Variants in CHN2 observed in about 807,000 individuals in gnomAD.
The protein encoded by CHN2 is chimerin 2, also known as beta-chimaerin.
CHN2 carries 35 observed loss-of-function variants against 56.3 expected under a neutral mutation model. That is an observed-to-expected ratio of 0.62 (90% CI 0.47 to 0.82). The LOEUF (loss-of-function observed/expected upper bound fraction) is 0.82, where lower values mean the gene tolerates loss of function less well. Among genes scored for constraint, CHN2 ranks in the 40% least tolerant of loss-of-function variants. The pLI is 0.00. For synonymous variants in CHN2, 210 were observed against 212.8 expected (o/e 0.99, Z 0.12); for missense variants, 491 against 580.5 (o/e 0.85, Z 1.58).
intron 6 of CHN2, 87 bp downstream of exon 6, chr7:29,400,915 T>C (rs1802149942): frequency 7.3e-7 from 1 of 1,364,806 alleles, no homozygotes; most frequent in Admixed American, 2.1e-5. Context: ...TTTGCTGAAA[T>C]GTTGGAGGAG....
At chr7:29,246,353 A>G (rs1041965602) in intron 1 of CHN2, among the ~76,000 whole-genome samples, 1 of 152,160 alleles carries the variant, frequency 6.6e-6, no homozygotes, top group Non-Finnish European at 1.5e-5. Flanking sequence ...ACAGTCTCAG[A>G]GGGACTTATT....
At chr7:29,331,183 A>T (rs1796184806) in intron 1 of CHN2, among the ~76,000 whole-genome samples, 1 of 152,224 alleles carries the variant, frequency 6.6e-6, no homozygotes, top group Non-Finnish European at 1.5e-5. Context: ...GTGACGGAGG[A>T]CATCTGTCAA....
intron 1 of CHN2, among the ~76,000 whole-genome samples, chr7:29,245,142 G>A (rs60325181): frequency 1.2e-4 from 19 of 152,156 alleles, no homozygotes; most frequent in Admixed American, 2.6e-4. Flanking sequence ...AAGACTCTGC[G>A]CCTCATAGAA....
chr7:29,158,308 A>G (rs1387340070), intron 2 of CHN2, among the ~76,000 whole-genome samples: 1 of 152,220 alleles, frequency 6.6e-6, no homozygotes, highest in Non-Finnish European at 1.5e-5. Flanking sequence ...AGTTTCCACC[A>G]TCCTATAATA....
chr7:29,458,377 G>GCACACATACACACA lies in CHN2; in HGVS notation c.577-21896_577-21895insTACACACACACACA, dbSNP rs1554296992. On this transcript the variant is annotated intron_variant, in intron 6 of 12. Transcript: ENST00000222792. ...CTGTTTGTATAAGGAGCATAGCTGT[G>GCACACATACACACA]CACACACACACACACACACACACAC... Among the ~76,000 whole-genome samples the GCACACATACACACA allele has an allele frequency of 7.4e-5, 10 of 136,016 alleles. No homozygotes were observed. The South Asian group carries it at 9.9e-4, about 13-fold the overall frequency. 89.2% of individuals were successfully genotyped at this position (136,016 alleles called of 152,430 possible).
intron 1 of CHN2, among the ~76,000 whole-genome samples, chr7:29,264,609 GGCAGCATACTC>G (rs949874526): frequency 9.9e-5 from 15 of 152,236 alleles, no homozygotes; most frequent in African/African-American, 3.6e-4. Flanking sequence ...GATGCTTGAA[GGCAGCATACTC>G]GTTAAGGGTC....
chr7:29,400,853 C>A, intron 6 of CHN2, 25 bp downstream of exon 6: 2 of 1,606,838 alleles, frequency 1.2e-6, no homozygotes, highest in South Asian at 2.2e-5. Context: ...ATGGAAGCAG[C>A]CTTTCGTTTT....
At chr7:29,502,476 A>G (rs1401078890) in intron 9 of CHN2, among the ~76,000 whole-genome samples, 1 of 152,192 alleles carries the variant, frequency 6.6e-6, no homozygotes, top group Non-Finnish European at 1.5e-5. Context: ...GGCCACTGCA[A>G]TGGATATTGT....
chr7:29,233,872 C>G lies in CHN2; in HGVS notation c.49+38882C>G, dbSNP rs546660157. ...TTTTTGAGATGGAGTCTCGCTCTGTCGCCCAGGCTGGAGTGCAGTGGCGGG... is the reference window on the plus strand; with the variant it reads ...TTTTTGAGATGGAGTCTCGCTCTGTGGCCCAGGCTGGAGTGCAGTGGCGGG... On this transcript the variant is annotated intron_variant, in intron 1 of 12. Coordinates refer to ENST00000222792, the MANE Select transcript of CHN2 (RefSeq NM_004067.4). Among the ~76,000 whole-genome samples the G allele has an allele frequency of 1.5e-3, 141 of 91,642 alleles. 2 individuals carry two copies. Among genetic ancestry groups the G allele is most frequent in the Non-Finnish European group, 2.4e-3 (121 of 50,870 alleles). The allele number at this position is 91,642 out of a possible 152,430, so 60.1% of individuals were successfully genotyped here.
chr7:29,425,892 G>A (rs1278544853), intron 6 of CHN2, among the ~76,000 whole-genome samples: 1 of 151,916 alleles, frequency 6.6e-6, no homozygotes, highest in Non-Finnish European at 1.5e-5. Flanking sequence ...TTAACTCTTG[G>A]GACTTATCCA....
chr7:29,327,654 C>T (rs959378893), intron 1 of CHN2, among the ~76,000 whole-genome samples: 7 of 152,186 alleles, frequency 4.6e-5, no homozygotes, highest in Middle Eastern at 3.4e-3. Context: ...GTTAATGACG[C>T]GGTGCTCCCA....
At chr7:29,437,194 G>T (rs1449971228) in intron 6 of CHN2, among the ~76,000 whole-genome samples, 1 of 151,870 alleles carries the variant, frequency 6.6e-6, no homozygotes, top group Non-Finnish European at 1.5e-5. Context: ...CATCTTCATT[G>T]TACACAAATT....
intron 3 of CHN2, among the ~76,000 whole-genome samples, chr7:29,389,238 A>G (rs1438513159): frequency 6.6e-6 from 1 of 152,162 alleles, no homozygotes; most frequent in East Asian, 1.9e-4. Context: ...TTCTCTTATG[A>G]TCATGCCTCG....
At chr7:29,468,700 G>A (rs187923209) in intron 6 of CHN2, among the ~76,000 whole-genome samples, 4 of 152,118 alleles carry the variant, frequency 2.6e-5, no homozygotes, top group East Asian at 1.9e-4. Flanking sequence ...AGATTCCCCC[G>A]ACTGCTGCTG....
chr7:29,353,622 ACT>A (rs1286052157), intron 1 of CHN2, among the ~76,000 whole-genome samples: 7 of 151,874 alleles, frequency 4.6e-5, no homozygotes, highest in African/African-American at 1.5e-4. Flanking sequence ...ACAGAACGAG[ACT>A]CTGTCTCAAA....
chr7:29,510,652 A>G lies in CHN2; in HGVS notation c.1235+1246A>G, dbSNP rs961280745. ...AAAAAGCCAACAGGCTTCTCTCAGA[A>G]CAAAAAAGCAAGAGCACCCAATATG... On this transcript the variant is annotated intron_variant, in intron 12 of 12. Transcript: ENST00000222792. 3.3e-5 allele frequency among the ~76,000 whole-genome samples: 5 copies of G among 152,234 alleles called. No homozygotes were observed. The East Asian group carries it at 7.7e-4, about 23-fold the overall frequency.
chr7:29,500,755 A>G (rs1376142335), intron 9 of CHN2, among the ~76,000 whole-genome samples: 1 of 152,244 alleles, frequency 6.6e-6, no homozygotes, highest in Non-Finnish European at 1.5e-5. Context: ...TACATCTCCT[A>G]CCACATAAAA....
At chr7:29,319,667 T>C (rs1436304631) in intron 1 of CHN2, among the ~76,000 whole-genome samples, 1 of 152,198 alleles carries the variant, frequency 6.6e-6, no homozygotes, top group Non-Finnish European at 1.5e-5. Flanking sequence ...AGATTAGCAC[T>C]CCCGAGTTGG....
intron 1 of CHN2, among the ~76,000 whole-genome samples, chr7:29,284,333 G>A (rs898509357): frequency 6.6e-6 from 1 of 152,190 alleles, no homozygotes; most frequent in African/African-American, 2.4e-5. Context: ...AACCTCAGGT[G>A]ATCTGCCTGC....
Sources: allele counts gnomAD v4.1 joint callset (sites outside exome capture counted in the v4.1 genomes callset), GRCh38; gene constraint gnomAD v4.1.1; transcripts MANE v1.5; gene names NCBI Gene and HGNC (gene_info 2026-07-23, HGNC 2026-07-21).